The following KLRG1 variants were observed in gnomAD, a reference collection of about 807,000 sequenced individuals.
KLRG1 encodes killer cell lectin-like receptor subfamily G member 1.
Under a neutral mutation model 21.8 loss-of-function variants are expected in KLRG1, and 16 were observed. That is an observed-to-expected ratio of 0.73 (90% CI 0.50 to 1.11). The LOEUF is 1.11. KLRG1 is among the 50% of genes most tolerant of loss of function. The probability of loss-of-function intolerance (pLI) is 0.00; values close to 1 mark genes in which losing one functional copy is unlikely to be tolerated. For synonymous variants in KLRG1, 69 were observed against 75.9 expected (o/e 0.91, Z 0.47); for missense variants, 173 against 218.3 (o/e 0.79, Z 1.31).
At chr12:9,149,048 A>C in the KLRG1 span, 2 of 1,517,850 alleles carry the variant, frequency 1.3e-6, no homozygotes, top group Non-Finnish European at 1.8e-6. Context: ...AGGAGCATTC[A>C]GTTGAGTGTG....
chr12:9,164,066 T>C, the KLRG1 span: 1 of 1,504,744 alleles, frequency 6.6e-7, no homozygotes, highest in Non-Finnish European at 9.1e-7. Context: ...GAGAATATGA[T>C]GAAAAAAGTA....
chr12:9,072,460 T>C, the KLRG1 span: 4 of 1,612,668 alleles, frequency 2.5e-6, no homozygotes, highest in Admixed American at 1.7e-5. Context: ...CTTCCTTTTC[T>C]GGGAGAATAT....
the KLRG1 span, chr12:9,158,359 T>G: frequency 6.3e-7 from 1 of 1,585,934 alleles, no homozygotes; most frequent in Admixed American, 1.7e-5. Flanking sequence ...CTTCCTCCCT[T>G]CACCCCTGGG....
chr12:9,193,322 C>A, the KLRG1 span, among the ~76,000 whole-genome samples: 4 of 152,046 alleles, frequency 2.6e-5, no homozygotes, highest in Non-Finnish European at 5.9e-5. Flanking sequence ...TTATTTTTTT[C>A]TAAATTTATT....
chr12:9,002,332 A>G (rs1947329998), intron 3 of KLRG1, among the ~76,000 whole-genome samples: 1 of 152,184 alleles, frequency 6.6e-6, no homozygotes, highest in Non-Finnish European at 1.5e-5. Flanking sequence ...AATACTACAT[A>G]CAGAAGTGTA....
At chr12:8,957,988 C>G (rs1370604108) in intron 1 of KLRG1, among the ~76,000 whole-genome samples, 1 of 152,114 alleles carries the variant, frequency 6.6e-6, no homozygotes, top group Admixed American at 6.6e-5. Context: ...TTATTCATTC[C>G]CTTTTGATGG....
chr12:9,154,222 T>C, the KLRG1 span, among the ~76,000 whole-genome samples: 32 of 152,348 alleles, frequency 2.1e-4, no homozygotes, highest in South Asian at 1.9e-3. Context: ...GACGTGCTAC[T>C]GGCATCTAAT....
intron 3 of KLRG1, among the ~76,000 whole-genome samples, chr12:9,007,006 T>C (rs1947492366): frequency 6.6e-6 from 1 of 152,232 alleles, no homozygotes; most frequent in Admixed American, 6.5e-5. Context: ...GTTTTCAGGA[T>C]ACTGGGCTCT....
the KLRG1 span, among the ~76,000 whole-genome samples, chr12:9,059,728 G>A: frequency 0.017 from 2,589 of 152,132 alleles, 77 homozygotes; most frequent in African/African-American, 0.059. Flanking sequence ...CTCTGTCACC[G>A]AGGCTGGAGT....
chr12:9,082,617 C>T, the KLRG1 span, among the ~76,000 whole-genome samples: 7 of 152,244 alleles, frequency 4.6e-5, no homozygotes, highest in South Asian at 1.5e-3. Flanking sequence ...CTCAAATGCA[C>T]AAATAATGCA....
At chr12:9,067,505 C>T in the KLRG1 span, 1 of 410,830 alleles carries the variant, frequency 2.4e-6, no homozygotes, top group East Asian at 5.2e-5. Context: ...ACACACTTTA[C>T]ACTTTCCTAG....
the KLRG1 span, chr12:9,197,003 C>T: frequency 7.0e-6 from 11 of 1,568,202 alleles, no homozygotes; most frequent in Non-Finnish European, 9.7e-6. Flanking sequence ...GAGAATACCG[C>T]CTACTAACCT....
the KLRG1 span, among the ~76,000 whole-genome samples, chr12:9,031,149 T>C: frequency 6.6e-6 from 1 of 152,204 alleles, no homozygotes; most frequent in East Asian, 1.9e-4. Flanking sequence ...GTGAGGCCCC[T>C]GGTCACCCAG....
At chr12:9,045,892 G>A in the KLRG1 span, among the ~76,000 whole-genome samples, 1 of 152,188 alleles carries the variant, frequency 6.6e-6, no homozygotes, top group Non-Finnish European at 1.5e-5. Flanking sequence ...CAGGGACATG[G>A]ATGGAGCTGA....
the KLRG1 span, among the ~76,000 whole-genome samples, chr12:9,125,844 C>T: frequency 6.6e-6 from 1 of 152,188 alleles, no homozygotes; most frequent in Non-Finnish European, 1.5e-5. Context: ...AAATGATTCT[C>T]CTGCCTCAGC....
chr12:9,104,181 G>C, the KLRG1 span: 2 of 1,551,900 alleles, frequency 1.3e-6, no homozygotes, highest in Non-Finnish European at 1.7e-6. Context: ...TCACCCTTAG[G>C]TTGCAACCTT....
chr12:9,199,513 A>AAAACATTCAATG, the KLRG1 span, among the ~76,000 whole-genome samples: 5 of 152,206 alleles, frequency 3.3e-5, no homozygotes, highest in Non-Finnish European at 7.3e-5. Flanking sequence ...AGATCAATGT[A>AAAACATTCAATG]AAACATTCAA....
chr12:9,118,311 A>C, the KLRG1 span, among the ~76,000 whole-genome samples: 3 of 152,136 alleles, frequency 2.0e-5, no homozygotes, highest in African/African-American at 7.2e-5. Flanking sequence ...GCATATGACT[A>C]AGTTCTGGTG....
At chr12:9,197,220 C>A in the KLRG1 span, 1 of 752,192 alleles carries the variant, frequency 1.3e-6, no homozygotes, top group African/African-American at 1.8e-5. Context: ...GTTGCCTACA[C>A]ATCTTTATCA....
Sources: allele counts gnomAD v4.1 joint callset (sites outside exome capture counted in the v4.1 genomes callset), GRCh38; gene constraint gnomAD v4.1.1; transcripts MANE v1.5; gene names NCBI Gene and HGNC (gene_info 2026-07-23, HGNC 2026-07-21).